PCNX2: variants seen among roughly 807,000 people sequenced by gnomAD.
The protein encoded by PCNX2 is pecanex-like protein 2.
In PCNX2, 168 loss-of-function variants were observed where a neutral mutation model predicts 223.8. That is an observed-to-expected ratio of 0.75 (90% confidence interval 0.66 to 0.85). The LOEUF (loss-of-function observed/expected upper bound fraction) is 0.85. Among genes scored for constraint, PCNX2 ranks in the 40% least tolerant of loss-of-function variants. The pLI is 0.00. For missense variants in PCNX2, 2,507 were observed against 2,675.5 expected, an observed-to-expected ratio of 0.94 and a Z score of 1.39; for synonymous variants, 1,006 against 1,052.6, an observed-to-expected ratio of 0.96 and a Z score of 0.86.
intron 17 of PCNX2, among the ~76,000 whole-genome samples, chr1:233,169,700 T>C (rs1397351884): frequency 1.3e-5 from 2 of 151,574 alleles, no homozygotes; most frequent in Admixed American, 6.6e-5. Context: ...AATAAGTATG[T>C]ACAGTTTAAT....
intron 17 of PCNX2, among the ~76,000 whole-genome samples, chr1:233,171,716 T>A (rs115067747): frequency 0.01 from 1,561 of 152,340 alleles, 26 homozygotes; most frequent in African/African-American, 0.035. Context: ...AATCTCAAGA[T>A]AAGTGTCTTT....
chr1:233,297,384 A>G (rs1662183541), upstream of PCNX2, among the ~76,000 whole-genome samples: 1 of 152,240 alleles, frequency 6.6e-6, no homozygotes, highest in African/African-American at 2.4e-5. Context: ...CAGGAAAATC[A>G]AAGACTTGCA....
intron 12 of PCNX2, among the ~76,000 whole-genome samples, chr1:233,216,899 T>A (rs1656969684): frequency 6.6e-6 from 1 of 152,160 alleles, no homozygotes; most frequent in Non-Finnish European, 1.5e-5. Context: ...GACCATCCTG[T>A]CATTTGCAAC....
At chr1:233,206,964 T>C (rs1681505083) in intron 13 of PCNX2, among the ~76,000 whole-genome samples, 2 of 151,314 alleles carry the variant, frequency 1.3e-5, no homozygotes, top group African/African-American at 2.4e-5. Context: ...TGAGCCAAGA[T>C]TGAATCACTG....
intron 10 of PCNX2, among the ~76,000 whole-genome samples, chr1:233,218,936 G>C (rs1221867959): frequency 2.0e-5 from 3 of 152,106 alleles, no homozygotes; most frequent in African/African-American, 7.2e-5. Flanking sequence ...TGGTGTCCGA[G>C]TTTACTGTCA....
chr1:233,106,277 A>G (rs972858274), intron 21 of PCNX2, among the ~76,000 whole-genome samples: 1 of 149,872 alleles, frequency 6.7e-6, no homozygotes, highest in Non-Finnish European at 1.5e-5. Context: ...GTTGTATTCT[A>G]TTTAGCTCTC....
At chr1:233,016,868 C>A in intron 27 of PCNX2, 53 bp downstream of exon 27, 3 of 1,575,638 alleles carry the variant, frequency 1.9e-6, no homozygotes, top group South Asian at 2.3e-5. Context: ...TGACAATGTT[C>A]TTTATTTATT....
chr1:233,273,059 T>C (rs1472337090), intron 1 of PCNX2, among the ~76,000 whole-genome samples: 4 of 151,138 alleles, frequency 2.6e-5, no homozygotes, highest in Non-Finnish European at 5.9e-5. Flanking sequence ...ACTGCTTGGG[T>C]GATGGGTGCA....
intron 23 of PCNX2, chr1:233,058,018 A>G: frequency 1.0e-6 from 1 of 985,428 alleles, no homozygotes; most frequent in Non-Finnish European, 1.2e-6. Flanking sequence ...GTATACTCTT[A>G]TAGACCTTTC....
chr1:233,063,308 C>A (rs987398223), intron 23 of PCNX2, among the ~76,000 whole-genome samples: 40 of 151,346 alleles, frequency 2.6e-4, no homozygotes, highest in African/African-American at 9.0e-4. Context: ...AAATAAATAC[C>A]AAACATACAA....
chr1:233,295,846 C>G (rs941864365), upstream of PCNX2: 2 of 235,650 alleles, frequency 8.5e-6, no homozygotes, highest in African/African-American at 4.5e-5. The surrounding 1 kb of genome is among the most constrained non-coding windows in gnomAD (Gnocchi z 4.1). Context: ...CTGTGAGTGC[C>G]TCCAGCCTTT....
At position 232,986,233 on chromosome 1, in the gene PCNX2, G is replaced by A. The variant is rs751216591; in HGVS notation, c.6099C>T (p.Phe2033=). The A allele has an allele frequency of 1.5e-5, 23 of 1,559,796 alleles. No individual in the cohort carries two copies. The highest frequency in any genetic ancestry group is 1.1e-4 in the African/African-American group (8 of 73,562). Residue 2033 remains phenylalanine (F), a synonymous_variant, in exon 33 of 34, where the codon TTC becomes TTT. Coordinates refer to ENST00000258229, the MANE Select transcript of PCNX2 (RefSeq NM_014801.4). ...GCGCGCTGGAAAAGCTCCTCTTGCC[G>A]AAGAGGAAGCTCAGGGTGGAGCTGG... ...SSTSSTLSFL[F]GKRSFSSALV...
chr1:233,288,755 G>A (rs570796620), intron 1 of PCNX2: 2 of 616,424 alleles, frequency 3.2e-6, no homozygotes, highest in Non-Finnish European at 5.6e-6. Context: ...AAATCTGGAG[G>A]GACTGAGTCT....
chr1:233,322,458 G>A, the PCNX2 span, among the ~76,000 whole-genome samples: 1 of 152,138 alleles, frequency 6.6e-6, no homozygotes, highest in East Asian at 1.9e-4. Flanking sequence ...ATCTGGGACA[G>A]TTTCCTGCTC....
chr1:233,294,313 A>C (rs1012735105), intron 1 of PCNX2, among the ~76,000 whole-genome samples: 4 of 152,224 alleles, frequency 2.6e-5, no homozygotes, highest in Non-Finnish European at 1.5e-5. Context: ...GAAAAATGAG[A>C]TATGGTAAAT....
chr1:233,025,159 C>T lies in PCNX2; in HGVS notation c.4592G>A (p.Arg1531His), dbSNP rs758698935. The change falls in exon 26 of 34, where the codon CGC (arginine) becomes CAC (histidine). Residue 1531 changes from arginine (R) to histidine (H), a missense_variant. Arg to His is a conservative substitution (Grantham distance 29). Around this residue, in one of 3 missense-constraint regions of PCNX2, gnomAD observed 1,372 missense variants for 1,509.4 expected, o/e 0.91. Transcript: ENST00000258229. ...QVFDLRRILI[R>H]YYIKSIIYYM... The stretch of plus-strand genomic sequence containing the variant: ...ACAGAGCAATACCTTGATGTAGTAG[C>T]GGATGAGGATCCTTCGGAGGTCAAA... 1.2e-5 allele frequency: 20 copies of T among 1,613,960 alleles called. No homozygotes were observed. The highest frequency in any genetic ancestry group is 1.6e-4 in the Middle Eastern group (1 of 6,062).
At chr1:233,089,676 T>C (rs1376537222) in intron 23 of PCNX2, among the ~76,000 whole-genome samples, 1 of 152,266 alleles carries the variant, frequency 6.6e-6, no homozygotes, top group South Asian at 2.1e-4. Context: ...ATATTTAGAA[T>C]GCTCACAGAA....
At chr1:233,239,864 T>C (rs1371354267) in intron 8 of PCNX2, among the ~76,000 whole-genome samples, 1 of 152,240 alleles carries the variant, frequency 6.6e-6, no homozygotes, top group Admixed American at 6.5e-5. Flanking sequence ...GAAGAGTATC[T>C]TGCCCTCAAA....
chr1:233,171,293 CT>C lies in PCNX2; in HGVS notation c.3273+6508del, dbSNP rs369260292. Among the ~76,000 whole-genome samples the C allele has an allele frequency of 9.4e-3, 1,388 of 147,064 alleles. 24 individuals are homozygous for C. Among genetic ancestry groups the C allele is most frequent in the African/African-American group, 0.031 (1,270 of 40,336 alleles). On this transcript the variant is annotated intron_variant, in intron 17 of 33. Coordinates refer to ENST00000258229, the MANE Select transcript of PCNX2 (RefSeq NM_014801.4). ...AAATCAGATCTTCCATCCAAGACCA[CT>C]TTTTTTTTTTAAATCTTTTTTTTTC...
Sources: allele counts gnomAD v4.1 joint callset (sites outside exome capture counted in the v4.1 genomes callset), GRCh38; gene constraint gnomAD v4.1.1; regional missense constraint gnomAD v4.1.1; non-coding constraint Gnocchi (gnomAD v3.1); transcripts MANE v1.5; gene names NCBI Gene and HGNC (gene_info 2026-07-23, HGNC 2026-07-21).